NSUN5: variants seen among roughly 807,000 people sequenced by gnomAD.
The protein encoded by NSUN5 is 28S rRNA (cytosine-C(5))-methyltransferase.
In NSUN5, 39 loss-of-function variants were observed where a neutral mutation model predicts 51.1. The observed-to-expected ratio is 0.76, with a 90% CI of 0.59 to 1.00. NSUN5 has a LOEUF of 1.00. Among genes scored for constraint, NSUN5 ranks in the 50% least tolerant of loss-of-function variants. The pLI, the probability that NSUN5 is intolerant of heterozygous loss-of-function variation, is 0.00. For missense variants in NSUN5, 526 were observed against 614.0 expected (o/e 0.86, Z 1.51); for synonymous variants, 266 against 271.5 (o/e 0.98, Z 0.20).
chr7:73,305,488 G>A (rs1310787441), intron 4 of NSUN5, among the ~76,000 whole-genome samples: 5 of 143,012 alleles, frequency 3.5e-5, no homozygotes, highest in African/African-American at 5.2e-5. Context: ...TTTTTGAGAC[G>A]GAGTCTCGCT....
rs757113708 is a variant in NSUN5 at position 73,304,107 on chromosome 7, G to C, written c.935-71C>G. On this transcript the variant is annotated intron_variant, in intron 7 of 9. Transcript: ENST00000438747. ...AGTCCTGAAATCCTCGCTTCACAGAGGAGAACTTTTGTCCCAGGGTCCCAA... is the reference window on the plus strand; with the variant it reads ...AGTCCTGAAATCCTCGCTTCACAGACGAGAACTTTTGTCCCAGGGTCCCAA... 944 of 1,581,374 alleles carry C rather than the reference G, an allele frequency of 6.0e-4. 1 individual carries two copies. The highest frequency in any genetic ancestry group is 7.2e-4 in the Non-Finnish European group (839 of 1,157,574).
intron 4 of NSUN5, among the ~76,000 whole-genome samples, chr7:73,307,107 G>A (rs782292530): frequency 6.6e-6 from 1 of 152,120 alleles, no homozygotes; most frequent in Non-Finnish European, 1.5e-5. Context: ...TGAACCTGAG[G>A]AGGTAAGAAT....
Position 73,308,734 on chromosome 7 carries a change from G to A in NSUN5, c.57C>T (p.Gly19=), listed in dbSNP as rs543176977. The A allele has an allele frequency of 1.1e-5, 17 of 1,612,400 alleles. No individual in the cohort carries two copies. In the South Asian group the frequency reaches 1.8e-4, roughly 17 times the overall value. Residue 19 remains glycine (G), a synonymous_variant, in exon 1 of 10, where the codon GGC becomes GGT. Transcript: ENST00000438747. ...TGGAGTACACCAACCCCTTGATAGA[G>A]CCCTGGCGGCTCTCCACGCCGGCCA... The part of the protein sequence containing the change: ...GVLAGVESRQ[G]SIKGLVYSSN...
chr7:73,308,631 G>A, intron 1 of NSUN5, 67 bp downstream of exon 1: 1 of 793,518 alleles, frequency 1.3e-6, no homozygotes, highest in South Asian at 1.8e-5. Flanking sequence ...GACCCCACCC[G>A]GGCCCGTCCG....
chr7:73,304,437 C>A (rs782479187), intron 6 of NSUN5, 29 bp from the exon 7 acceptor site: 6 of 1,590,768 alleles, frequency 3.8e-6, no homozygotes, highest in Non-Finnish European at 5.1e-6. Flanking sequence ...GAGCTGAGCA[C>A]GCATGGAGCA....
chr7:73,304,143 G>A, intron 7 of NSUN5, 87 bp downstream of exon 7: 1 of 1,555,870 alleles, frequency 6.4e-7, no homozygotes, highest in Admixed American at 1.8e-5. Context: ...GCCCATTAGT[G>A]TCAGAAGTAA....
intron 2 of NSUN5, 105 bp downstream of exon 2, chr7:73,308,326 A>G: frequency 1.4e-6 from 2 of 1,413,540 alleles, no homozygotes; most frequent in African/African-American, 1.4e-5. Flanking sequence ...CTCATTTCAG[A>G]TGAGCGACTT....
intron 2 of NSUN5, 124 bp from the exon 3 acceptor site, chr7:73,307,881 G>T: frequency 1.2e-6 from 1 of 868,002 alleles, no homozygotes. Flanking sequence ...ACAAGATACA[G>T]GTGGGATACC....
chr7:73,308,109 C>T, intron 2 of NSUN5: 1 of 459,516 alleles, frequency 2.2e-6, no homozygotes, highest in Admixed American at 3.8e-5. Context: ...TCATAGCTCA[C>T]TGCAGCTTCG....
rs532290045 is a variant in NSUN5, at chr7:73,308,248, T to A, written c.216+183A>T. 3.8e-5 allele frequency: 30 copies of A among 784,468 alleles called. No individual in the cohort carries two copies. The South Asian group carries it at 6.3e-4, about 17-fold the overall frequency. The allele number at this position is 784,468 out of a possible 1,614,324, so 48.6% of individuals were successfully genotyped here. A position where few individuals can be genotyped will look rare whatever the true frequency, so the allele number is the denominator to read the frequency against. ...CTTTGTACTTCGGTTATTTAATCCTTCAAAACACTCAAAGTTAAAGCATTT... is the reference window on the plus strand; with the variant it reads ...CTTTGTACTTCGGTTATTTAATCCTACAAAACACTCAAAGTTAAAGCATTT... On this transcript the variant is annotated intron_variant, in intron 2 of 9. Coordinates refer to ENST00000438747, the MANE Select transcript of NSUN5 (RefSeq NM_148956.4).
At position 73,304,302 on chromosome 7, in the gene NSUN5, C is replaced by G; in HGVS notation, c.862G>C (p.Ala288Pro). 1 of 1,614,178 alleles carries G rather than the reference C, an allele frequency of 6.2e-7. No homozygotes were observed. The highest frequency in any genetic ancestry group is 8.5e-7 in the Non-Finnish European group (1 of 1,180,040). The change falls in exon 7 of 10, where the codon GCG becomes CCG. Residue 288 changes from alanine to proline, a missense_variant. Physicochemically the swap from Ala to Pro is conservative, Grantham distance 27 (BLOSUM62 -1). Coordinates refer to ENST00000438747, the MANE Select transcript of NSUN5 (RefSeq NM_148956.4). ...TAGCGTGGATCCGAGGGGGAGACCG[C>G]CAGGAAGTCCTCCTCAGCCAGTTCA... ...CCELAEEDFL[A>P]VSPSDPRYHE...
At chr7:73,308,325 G>T in intron 2 of NSUN5, 106 bp downstream of exon 2, 2 of 1,404,526 alleles carry the variant, frequency 1.4e-6, no homozygotes, top group South Asian at 1.4e-5. Flanking sequence ...ACTCATTTCA[G>T]ATGAGCGACT....
chr7:73,307,872 C>G (rs1373114285), intron 2 of NSUN5, 115 bp from the exon 3 acceptor site: 10 of 928,918 alleles, frequency 1.1e-5, no homozygotes. Context: ...GATCACCTGA[C>G]AAGATACAGG....
chr7:73,307,484 A>G lies in NSUN5; in HGVS notation c.410T>C (p.Phe137Ser), dbSNP rs1554541986. Residue 137 changes from phenylalanine (F) to serine (S), a missense_variant, in exon 4 of 10, where the codon TTT becomes TCT. Transcript: ENST00000438747. Reference sequence around the variant, plus strand: ...GGTCTTGAGAGTGTTCACACGCACAAATCGAGGCAGCTGGGAGGCTACGTA... The same window carrying G: ...GGTCTTGAGAGTGTTCACACGCACAGATCGAGGCAGCTGGGAGGCTACGTA... ...RPGPASQLPR[F>S]VRVNTLKTCS... 4 of 1,614,124 alleles carry G rather than the reference A, an allele frequency of 2.5e-6. No individual in the cohort carries two copies. The Admixed American group carries it at 5.0e-5, about 20-fold the overall frequency.
chr7:73,303,137 T>A lies in NSUN5; in HGVS notation c.*278A>T. 2.8e-6 allele frequency: 4 copies of A among 1,439,198 alleles called. No individual in the cohort carries two copies. Among genetic ancestry groups the A allele is most frequent in the Non-Finnish European group, 3.6e-6 (4 of 1,100,440 alleles). The allele number at this position is 1,439,198 out of a possible 1,614,324, so 89.2% of individuals were successfully genotyped here. ...GGACTTTCCATTACAAATAGAGACT[T>A]CATTCCTGTTGAGTCTAGTTGGAAC... On this transcript the variant is annotated 3_prime_UTR_variant, in exon 10 of 10. Transcript: ENST00000438747.
rs781929642 is a variant in NSUN5 at position 73,308,765 on chromosome 7, C to A, written c.26G>T (p.Gly9Val). 3.1e-6 allele frequency: 5 copies of A among 1,612,984 alleles called. No homozygotes were observed. In the African/African-American group the frequency reaches 6.7e-5, roughly 22 times the overall value. MGLYAAAA[G>V]VLAGVESRQG... ...GCGGCTCTCCACGCCGGCCAACACG[C>A]CTGCAGCTGCAGCATACAGCCCCAT... is the stretch of plus-strand genomic sequence containing the variant. Residue 9 changes from glycine (G) to valine (V), a missense_variant, in exon 1 of 10, where the codon GGC becomes GTC. Coordinates refer to ENST00000438747, the MANE Select transcript of NSUN5 (RefSeq NM_148956.4).
In NSUN5 at chr7:73,303,757, C is replaced by T. The variant is rs782753611; in HGVS notation, c.1146-17G>A. ...GGAGCTAGCCTGCAAGAGAAACGGC[C>T]CCAATGCTGGGTAAGAGAGCAGCTC... On this transcript the variant is annotated splice_polypyrimidine_tract_variant and intron_variant, in intron 8 of 9. Transcript: ENST00000438747. The T allele has an allele frequency of 2.5e-6, 4 of 1,613,924 alleles. No individual in the cohort carries two copies. The highest frequency in any genetic ancestry group is 1.1e-5 in the South Asian group (1 of 91,066).
At position 73,308,573 on chromosome 7, in the gene NSUN5, A is replaced by G. The variant is rs1804145861; in HGVS notation, c.94-20T>C. 6.3e-7 allele frequency: 1 copy of G among 1,593,390 alleles called. No individual in the cohort carries two copies. The highest frequency in any genetic ancestry group is 8.6e-7 in the Non-Finnish European group (1 of 1,164,914). ...CACGTTCTGTGTGGCCGAGGAAGAC[A>G]AGCTGGGTGGGGGCTCCCCCGGCCC... is the stretch of plus-strand genomic sequence containing the variant. On this transcript the variant is annotated intron_variant, in intron 1 of 9. Coordinates refer to ENST00000438747, the MANE Select transcript of NSUN5 (RefSeq NM_148956.4).
chr7:73,307,708 C>T lies in NSUN5; in HGVS notation c.266G>A (p.Gly89Asp). Reference protein sequence around the residue: ...LLGKGFRGGGGRWKALLGRHQ... With the variant: ...LLGKGFRGGGDRWKALLGRHQ... ...CCGGCCCAACAGAGCCTTCCATCGGCCCCCACCCCCTCGAAAGCCCTTTCC... is the reference window on the plus strand; with the variant it reads ...CCGGCCCAACAGAGCCTTCCATCGGTCCCCACCCCCTCGAAAGCCCTTTCC... Residue 89 changes from glycine (G) to aspartate (D), a missense_variant, in exon 3 of 10, where the codon GGC (glycine) becomes GAC (aspartate). Physicochemically the swap from Gly to Asp is moderately conservative, Grantham distance 94. Coordinates refer to ENST00000438747, the MANE Select transcript of NSUN5 (RefSeq NM_148956.4). 2 of 1,597,690 alleles carry T rather than the reference C, an allele frequency of 1.3e-6. No homozygotes were observed. The highest frequency in any genetic ancestry group is 1.7e-6 in the Non-Finnish European group (2 of 1,172,262).
Sources: gnomAD v4.1 joint callset for allele counts (sites outside exome capture counted in the v4.1 genomes callset) on GRCh38, gnomAD v4.1.1 for gene constraint, MANE v1.5 for transcripts, NCBI Gene and HGNC (gene_info 2026-07-23, HGNC 2026-07-21) for gene names.